Variants in ABCG4 observed in about 807,000 individuals in gnomAD.
ABCG4 encodes ATP binding cassette subfamily G member 4, also known as ATP-binding cassette sub-family G member 4.
A neutral mutation model predicts 64.6 loss-of-function variants in ABCG4; 35 were observed. The observed-to-expected ratio is 0.54, with a 90% confidence interval of 0.41 to 0.72. The LOEUF (loss-of-function observed/expected upper bound fraction) is 0.72. ABCG4 is among the 30% of genes least tolerant of loss of function. ABCG4 has a pLI of 0.00. For synonymous variants in ABCG4, 326 were observed against 348.2 expected, an observed-to-expected ratio of 0.94 and a Z score of 0.71; for missense variants, 610 against 846.3, an observed-to-expected ratio of 0.72 and a Z score of 3.46.
intron 2 of ABCG4, among the ~76,000 whole-genome samples, chr11:119,151,691 A>G (rs1948194842): frequency 1.3e-5 from 2 of 152,228 alleles, no homozygotes; most frequent in South Asian, 4.1e-4. Context: ...ATTAGATATT[A>G]CTATCCTTCC....
chr11:119,154,072 G>A lies in ABCG4; in HGVS notation c.285G>A (p.Arg95=). 1 of 1,614,186 alleles carries A rather than the reference G, an allele frequency of 6.2e-7. No homozygotes were observed. Among genetic ancestry groups the A allele is most frequent in the Non-Finnish European group, 8.5e-7 (1 of 1,180,042 alleles). The change falls in exon 3 of 15, where the codon CGG becomes CGA. Residue 95 remains arginine (R), a synonymous_variant. Transcript: ENST00000619701. This position sits in a 1 kb window ranked among gnomAD's most constrained non-coding sequence, Gnocchi z 7.0. ...GCCTCTCAGGTAAATTCTGCCGCCG[G>A]GAGCTGATTGGCATCATGGGCCCCT... ...LKCLSGKFCR[R]ELIGIMGPSG...
chr11:119,149,636 T>C lies in ABCG4; in HGVS notation c.-13+273T>C. 2.9e-6 allele frequency: 1 copy of C among 347,548 alleles called. No individual in the cohort carries two copies. The highest frequency in any genetic ancestry group is 5.4e-6 in the Non-Finnish European group (1 of 186,348). 21.5% of individuals were successfully genotyped at this position (347,548 alleles called of 1,614,324 possible). A position where few individuals can be genotyped will look rare whatever the true frequency, so the allele number is the denominator to read the frequency against. On this transcript the variant is annotated intron_variant, in intron 1 of 14. Transcript: ENST00000619701. This position sits in a 1 kb window ranked among gnomAD's most constrained non-coding sequence, Gnocchi z 8.3. ...GAGCGGGCAGCCTCTGCCGGCTGCC[T>C]CTTCTCCCCCGCCCCCTATTCCTTC...
In ABCG4 at chr11:119,154,375, G is replaced by C. The variant is rs1354350465; in HGVS notation, c.472G>C (p.Val158Leu). 6.2e-7 allele frequency: 1 copy of C among 1,614,156 alleles called. No homozygotes were observed. ...TGACATGCTGCTGCCGCACCTCACG[G>C]TGTTGGAAGCCATGATGGTGAGGGC... Reference protein sequence around the residue: ...QDDMLLPHLTVLEAMMVSANL... With the variant: ...QDDMLLPHLTLLEAMMVSANL... The change falls in exon 4 of 15, where the codon GTG (valine) becomes CTG (leucine). Residue 158 changes from valine to leucine, a missense_variant. Physicochemically the swap from Val to Leu is conservative, Grantham distance 32 (BLOSUM62 1). Transcript: ENST00000619701. The surrounding 1 kb of genome is among the most constrained non-coding windows in gnomAD (Gnocchi z 7.0).
chr11:119,158,981 C>T lies in ABCG4; in HGVS notation c.1437+52C>T. On this transcript the variant is annotated intron_variant, in intron 12 of 14. Coordinates refer to ENST00000619701, the MANE Select transcript of ABCG4 (RefSeq NM_022169.5). The surrounding 1 kb of genome is among the most constrained non-coding windows in gnomAD (Gnocchi z 4.5). The stretch of plus-strand genomic sequence containing the variant: ...CTGCCTCCATCTTGTCTTGCTCCTT[C>T]TATCCTTGCTTTCTTGCCTCCCTCA... 3 of 1,558,002 alleles carry T rather than the reference C, an allele frequency of 1.9e-6. No individual in the cohort carries two copies. The highest frequency in any genetic ancestry group is 2.7e-6 in the Non-Finnish European group (3 of 1,130,270).
At position 119,154,608 on chromosome 11, in the gene ABCG4, C is replaced by T. The variant is rs747638968; in HGVS notation, c.540+33C>T. 2 of 1,609,302 alleles carry T rather than the reference C, an allele frequency of 1.2e-6. No individual in the cohort carries two copies. The highest frequency in any genetic ancestry group is 4.5e-5 in the East Asian group (2 of 44,866). ...GGGAAGGGAGGCAGTGGGACCACTC[C>T]CTTTTGTGGTGCTGCTGAGCTCAAG... On this transcript the variant is annotated intron_variant, in intron 5 of 14. Transcript: ENST00000619701. The surrounding 1 kb of genome is among the most constrained non-coding windows in gnomAD (Gnocchi z 7.0).
chr11:119,150,667 A>C lies in ABCG4; in HGVS notation c.238+464A>C, dbSNP rs1948184461. Reference sequence around the variant, plus strand: ...GAAGCAGGGAGGGTGGCGGTTTGGCAGGATAGATGTCATCTCCATGTTACT... The same window carrying C: ...GAAGCAGGGAGGGTGGCGGTTTGGCCGGATAGATGTCATCTCCATGTTACT... On this transcript the variant is annotated intron_variant, in intron 2 of 14. Transcript: ENST00000619701. The surrounding 1 kb of genome is among the most constrained non-coding windows in gnomAD (Gnocchi z 4.3). Among the ~76,000 whole-genome samples the C allele has an allele frequency of 6.6e-6, 1 of 152,192 alleles. No individual in the cohort carries two copies. The highest frequency in any genetic ancestry group is 2.1e-4 in the South Asian group (1 of 4,834).
intron 2 of ABCG4, chr11:119,153,633 C>T (rs1180578250): frequency 5.1e-6 from 1 of 197,334 alleles, no homozygotes; most frequent in Admixed American, 5.2e-5. Flanking sequence ...GCTATGGAAA[C>T]ACAGGGGATA....
rs1288553436 is a variant in ABCG4 at position 119,160,846 on chromosome 11, G to A, written c.1716-35G>A. ...TTTTCTCAGAGAGCAGGGACCCTGTGTGCTGTATCCCATCTGATATCCCTG... is the reference window on the plus strand; with the variant it reads ...TTTTCTCAGAGAGCAGGGACCCTGTATGCTGTATCCCATCTGATATCCCTG... On this transcript the variant is annotated intron_variant, in intron 14 of 14. Transcript: ENST00000619701. The surrounding 1 kb of genome is among the most constrained non-coding windows in gnomAD (Gnocchi z 4.6). The A allele has an allele frequency of 6.3e-7, 1 of 1,594,556 alleles. No individual in the cohort carries two copies. Among genetic ancestry groups the A allele is most frequent in the South Asian group, 1.1e-5 (1 of 89,944 alleles).
Position 119,154,927 on chromosome 11 carries a change from C to T in ABCG4, c.686+12C>T, listed in dbSNP as rs759480287. On this transcript the variant is annotated intron_variant, in intron 6 of 14. Transcript: ENST00000619701. The surrounding 1 kb of genome is among the most constrained non-coding windows in gnomAD (Gnocchi z 7.0). The stretch of plus-strand genomic sequence containing the variant: ...GATGAGCCCACCAGGTAGTTCTCTC[C>T]ACCCTTTCCCACCAGGATACCCCTC... The T allele has an allele frequency of 1.9e-6, 3 of 1,597,324 alleles. No homozygotes were observed. Among genetic ancestry groups the T allele is most frequent in the Non-Finnish European group, 2.6e-6 (3 of 1,167,114 alleles).
In ABCG4 at chr11:119,158,296, C is replaced by T; in HGVS notation, c.1131C>T (p.Leu377=). Residue 377 remains leucine (L), a synonymous_variant, in exon 10 of 15, where the codon CTC becomes CTT. Coordinates refer to ENST00000619701, the MANE Select transcript of ABCG4 (RefSeq NM_022169.5). This position sits in a 1 kb window ranked among gnomAD's most constrained non-coding sequence, Gnocchi z 4.5. ...GCACCCTCACACAGTTCTGCATCCT[C>T]TTCAAGAGGACCTTCCTGTCCATCC... ...ATSTLTQFCI[L]FKRTFLSILR... 6.2e-7 allele frequency: 1 copy of T among 1,614,132 alleles called. No homozygotes were observed. The highest frequency in any genetic ancestry group is 1.7e-5 in the Admixed American group (1 of 60,024).
Position 119,155,028 on chromosome 11 carries a change from G to T in ABCG4, c.686+113G>T, listed in dbSNP as rs1405572126. 1.4e-6 allele frequency: 2 copies of T among 1,427,380 alleles called. No individual in the cohort carries two copies. Among genetic ancestry groups the T allele is most frequent in the East Asian group, 4.6e-5 (2 of 43,308 alleles). 88.4% of individuals were successfully genotyped at this position (1,427,380 alleles called of 1,614,324 possible). On this transcript the variant is annotated intron_variant, in intron 6 of 14. Coordinates refer to ENST00000619701, the MANE Select transcript of ABCG4 (RefSeq NM_022169.5). The surrounding 1 kb of genome is among the most constrained non-coding windows in gnomAD (Gnocchi z 4.5). ...GAGCCTCTGTTCACAGCCTCCTGGG[G>T]CCAAGATAAGGGCTTCTTCCTCATC...
At chr11:119,153,881 C>G in intron 2 of ABCG4, 145 bp from the exon 3 acceptor site, 1 of 707,116 alleles carries the variant, frequency 1.4e-6, no homozygotes, top group Non-Finnish European at 2.5e-6. Flanking sequence ...CCTGCCGGGG[C>G]TATAAGGGTT....
At position 119,160,531 on chromosome 11, in the gene ABCG4, C is replaced by T. The variant is rs751052368; in HGVS notation, c.1597-7C>T. ...ATGATGGCCTGGCCCCCTCCCTTCC[C>T]CTCTAGGTGGCCACTTTTGTGGGCC... On this transcript the variant is annotated splice_region_variant and splice_polypyrimidine_tract_variant and intron_variant, in intron 13 of 14. Transcript: ENST00000619701. The surrounding 1 kb of genome is among the most constrained non-coding windows in gnomAD (Gnocchi z 4.6). 2 of 1,609,118 alleles carry T rather than the reference C, an allele frequency of 1.2e-6. No homozygotes were observed. The highest frequency in any genetic ancestry group is 2.2e-5 in the South Asian group (2 of 91,072).
In ABCG4 at chr11:119,149,827, G is replaced by A; in HGVS notation, c.-12-127G>A. 4.3e-6 allele frequency: 6 copies of A among 1,383,730 alleles called. No individual in the cohort carries two copies. The highest frequency in any genetic ancestry group is 2.6e-5 in the Admixed American group (1 of 38,356). The allele number at this position is 1,383,730 out of a possible 1,614,324, so 85.7% of individuals were successfully genotyped here. A position where few individuals can be genotyped will look rare whatever the true frequency, so the allele number is the denominator to read the frequency against. On this transcript the variant is annotated intron_variant, in intron 1 of 14. Transcript: ENST00000619701. This position sits in a 1 kb window ranked among gnomAD's most constrained non-coding sequence, Gnocchi z 8.3. Reference sequence around the variant, plus strand: ...GTGGGGGGCGGGGGCAGAGTGCGGGGCTAACAGTCGCGGATCTGCCCCGAG... The same window carrying A: ...GTGGGGGGCGGGGGCAGAGTGCGGGACTAACAGTCGCGGATCTGCCCCGAG...
Position 119,161,150 on chromosome 11 carries a change from C to A in ABCG4, c.*44C>A. On this transcript the variant is annotated 3_prime_UTR_variant, in exon 15 of 15. Coordinates refer to ENST00000619701, the MANE Select transcript of ABCG4 (RefSeq NM_022169.5). Reference sequence around the variant, plus strand: ...ACCCCAGCCCCTGCAGCAGGAAGCCCCCAGTCCCAGCCCTTTGGGACTGTT... The same window carrying A: ...ACCCCAGCCCCTGCAGCAGGAAGCCACCAGTCCCAGCCCTTTGGGACTGTT... The A allele has an allele frequency of 6.4e-7, 1 of 1,569,416 alleles. No individual in the cohort carries two copies. The highest frequency in any genetic ancestry group is 1.1e-5 in the South Asian group (1 of 88,258).
rs200081211 is a variant in ABCG4 at position 119,154,850 on chromosome 11, G to A, written c.621G>A (p.Lys207=). 2 of 1,614,086 alleles carry A rather than the reference G, an allele frequency of 1.2e-6. No individual in the cohort carries two copies. Among genetic ancestry groups the A allele is most frequent in the Admixed American group, 1.7e-5 (1 of 60,026 alleles). The part of the protein sequence containing the change: ...RTALLSGGQR[K]RLAIALELVN... Reference sequence around the variant, plus strand: ...CCCTGCTCTCTGGCGGGCAGAGGAAGCGTCTGGCCATCGCCCTGGAGCTGG... The same window carrying A: ...CCCTGCTCTCTGGCGGGCAGAGGAAACGTCTGGCCATCGCCCTGGAGCTGG... Residue 207 remains lysine (K), a synonymous_variant, in exon 6 of 15, where the codon AAG becomes AAA. Transcript: ENST00000619701. The surrounding 1 kb of genome is among the most constrained non-coding windows in gnomAD (Gnocchi z 7.0).
Position 119,158,594 on chromosome 11 carries a change from T to C in ABCG4, c.1205T>C (p.Ile402Thr), listed in dbSNP as rs774948961. The part of the protein sequence containing the change: ...THLRFMSHVV[I>T]GVLIGLLYLH... ...CTACGGTTCATGTCCCACGTGGTTA[T>C]TGGCGTGCTCATCGGCCTCCTCTAC... The change falls in exon 11 of 15, where the codon ATT becomes ACT. Residue 402 changes from isoleucine to threonine, a missense_variant. By Grantham distance (89) the Ile-to-Thr change is moderately conservative. Transcript: ENST00000619701. The surrounding 1 kb of genome is among the most constrained non-coding windows in gnomAD (Gnocchi z 4.5). 11 of 1,614,090 alleles carry C rather than the reference T, an allele frequency of 6.8e-6. No individual in the cohort carries two copies. Among genetic ancestry groups the C allele is most frequent in the East Asian group, 4.5e-5 (2 of 44,900 alleles).
Position 119,161,366 on chromosome 11 carries a change from C to CGT in ABCG4, c.*260_*261insGT, listed in dbSNP as rs1181178575. ...AGCTTCCTCCCTACTCTCTCCAACA[C>CGT]CTGCATGCAAAGACTACTGGGAGGC... On this transcript the variant is annotated 3_prime_UTR_variant, in exon 15 of 15. Coordinates refer to ENST00000619701, the MANE Select transcript of ABCG4 (RefSeq NM_022169.5). The CGT allele has an allele frequency of 9.6e-6, 4 of 415,738 alleles. No homozygotes were observed. The highest frequency in any genetic ancestry group is 8.0e-5 in the African/African-American group (4 of 50,154). The allele number at this position is 415,738 out of a possible 1,614,324, so 25.8% of individuals were successfully genotyped here.
chr11:119,154,997 G>T lies in ABCG4; in HGVS notation c.686+82G>T. On this transcript the variant is annotated intron_variant, in intron 6 of 14. Coordinates refer to ENST00000619701, the MANE Select transcript of ABCG4 (RefSeq NM_022169.5). This position sits in a 1 kb window ranked among gnomAD's most constrained non-coding sequence, Gnocchi z 7.0. Reference sequence around the variant, plus strand: ...GGGCTGGAGGCTGCATCTTCTCCATGATCCAGAGCCTCTGTTCACAGCCTC... The same window carrying T: ...GGGCTGGAGGCTGCATCTTCTCCATTATCCAGAGCCTCTGTTCACAGCCTC... 6.5e-7 allele frequency: 1 copy of T among 1,526,938 alleles called. No individual in the cohort carries two copies. The allele number at this position is 1,526,938 out of a possible 1,614,324, so 94.6% of individuals were successfully genotyped here. A position where few individuals can be genotyped will look rare whatever the true frequency, so the allele number is the denominator to read the frequency against.
Sources: gnomAD v4.1 joint callset for allele counts (sites outside exome capture counted in the v4.1 genomes callset) on GRCh38, gnomAD v4.1.1 for gene constraint, Gnocchi (gnomAD v3.1) non-coding constraint, MANE v1.5 for transcripts, NCBI Gene and HGNC (gene_info 2026-07-23, HGNC 2026-07-21) for gene names.